Variants in RPRD1A observed in about 807,000 individuals in gnomAD.
The protein encoded by RPRD1A is regulation of nuclear pre-mRNA domain-containing protein 1A.
In RPRD1A, 9 loss-of-function variants were observed where a neutral mutation model predicts 37.8. The ratio of observed to expected loss-of-function variants is 0.24; its 90% CI spans 0.14 to 0.42. RPRD1A has a LOEUF of 0.42. RPRD1A is among the 10% of genes least tolerant of loss of function. The pLI, the probability that RPRD1A is intolerant of heterozygous loss-of-function variation, is 1.00. For missense variants in RPRD1A, 255 were observed against 371.0 expected, an observed-to-expected ratio of 0.69 and a Z score of 2.57; for synonymous variants, 138 against 139.7, an observed-to-expected ratio of 0.99 and a Z score of 0.08.
chr18:36,026,190 A>G (rs930924993), intron 6 of RPRD1A: 4 of 152,538 alleles, frequency 2.6e-5, no homozygotes, highest in African/African-American at 9.6e-5. Flanking sequence ...AAGGGATTCA[A>G]ATTAGAAATT....
chr18:36,065,016 C>T (rs141245021), intron 1 of RPRD1A, among the ~76,000 whole-genome samples: 3 of 151,808 alleles, frequency 2.0e-5, no homozygotes, highest in African/African-American at 4.8e-5. Flanking sequence ...CTGAAGCCAG[C>T]GAGACCACAA....
chr18:36,011,499 C>T (rs906821974), intron 6 of RPRD1A, among the ~76,000 whole-genome samples: 4 of 151,694 alleles, frequency 2.6e-5, no homozygotes, highest in South Asian at 2.1e-4. Flanking sequence ...AGAAACAAAG[C>T]CAACAGAGCC....
At chr18:36,065,921 T>C (rs1197686345) in intron 1 of RPRD1A, among the ~76,000 whole-genome samples, 3 of 152,138 alleles carry the variant, frequency 2.0e-5, no homozygotes, top group African/African-American at 7.2e-5. Flanking sequence ...AGAGTCTGGG[T>C]ATCAACCCTA....
intron 1 of RPRD1A, among the ~76,000 whole-genome samples, chr18:36,059,829 G>A (rs768410324): frequency 2.6e-5 from 4 of 152,230 alleles, no homozygotes; most frequent in South Asian, 2.1e-4. Flanking sequence ...AAATGATCAC[G>A]GAAATAAATA....
intron 6 of RPRD1A, among the ~76,000 whole-genome samples, chr18:36,015,323 C>A (rs1910475944): frequency 6.6e-6 from 1 of 151,904 alleles, no homozygotes; most frequent in Non-Finnish European, 1.5e-5. Context: ...AGTGATTCTC[C>A]TGCCTCAGCC....
intron 1 of RPRD1A, among the ~76,000 whole-genome samples, chr18:36,062,342 A>AC (rs1227086296): frequency 2.0e-5 from 3 of 151,014 alleles, no homozygotes; most frequent in Non-Finnish European, 3.0e-5. Flanking sequence ...AAAAAAAAAA[A>AC]AAAAAACATG....
rs753807694 is a variant in RPRD1A at position 35,993,205 on chromosome 18, G to A, written c.885C>T (p.Val295=). The A allele has an allele frequency of 1.9e-6, 3 of 1,614,176 alleles. No homozygotes were observed. In the East Asian group the frequency reaches 6.7e-5, roughly 36 times the overall value. The stretch of plus-strand genomic sequence containing the variant: ...AGGGCAGGTGCATGTGGCTGCCAGT[G>A]ACATTGGGCAATCGAGATAAGTCTG... ...SLPDLSRLPN[V]TGSHMHLPFA... The change falls in exon 7 of 7, where the codon GTC becomes GTT. Residue 295 remains valine (V), a synonymous_variant. Coordinates refer to ENST00000399022, the MANE Select transcript of RPRD1A (RefSeq NM_018170.5).
intron 6 of RPRD1A, among the ~76,000 whole-genome samples, chr18:36,003,550 C>T (rs1006888942): frequency 1.3e-5 from 2 of 152,156 alleles, no homozygotes; most frequent in South Asian, 2.1e-4. Context: ...GTATATTACT[C>T]GACAGAAAAT....
intron 1 of RPRD1A, among the ~76,000 whole-genome samples, chr18:36,054,497 A>T (rs1913625524): frequency 6.6e-6 from 1 of 152,280 alleles, no homozygotes; most frequent in Non-Finnish European, 1.5e-5. Flanking sequence ...TCTCAAAATA[A>T]GTAAGTAAGT....
intron 6 of RPRD1A, among the ~76,000 whole-genome samples, chr18:36,022,080 G>A (rs533382510): frequency 6.6e-6 from 1 of 152,308 alleles, no homozygotes; most frequent in South Asian, 2.1e-4. Flanking sequence ...GGAAGTTTCA[G>A]TAGTCTGGAT....
chr18:36,043,605 G>C (rs1022935145), intron 1 of RPRD1A, among the ~76,000 whole-genome samples: 4 of 152,030 alleles, frequency 2.6e-5, no homozygotes, highest in Non-Finnish European at 2.9e-5. Context: ...CTGTCAACTG[G>C]AACAGTTATG....
chr18:36,023,929 A>G (rs1255089034), intron 6 of RPRD1A, among the ~76,000 whole-genome samples: 4 of 152,242 alleles, frequency 2.6e-5, no homozygotes, highest in Admixed American at 6.5e-5. Context: ...AGTTGTAAAC[A>G]TAACTTTTGT....
At chr18:36,050,215 T>C (rs1198229385) in intron 1 of RPRD1A, among the ~76,000 whole-genome samples, 1 of 151,754 alleles carries the variant, frequency 6.6e-6, no homozygotes, top group African/African-American at 2.4e-5. Flanking sequence ...AGAAAAAAGG[T>C]TGAAATTGTA....
intron 6 of RPRD1A, among the ~76,000 whole-genome samples, chr18:36,012,205 T>C (rs62101393): frequency 0.27 from 41,624 of 152,134 alleles, 6,153 homozygotes; most frequent in African/African-American, 0.4. Flanking sequence ...TATTGCCTAG[T>C]GTAGCCATCC....
At chr18:36,055,856 A>G (rs962398578) in intron 1 of RPRD1A, among the ~76,000 whole-genome samples, 3 of 152,186 alleles carry the variant, frequency 2.0e-5, no homozygotes, top group Admixed American at 6.5e-5. Context: ...TGGACAGATC[A>G]ATGCAACAGA....
At chr18:36,047,708 T>C (rs1913058017) in intron 1 of RPRD1A, among the ~76,000 whole-genome samples, 1 of 152,282 alleles carries the variant, frequency 6.6e-6, no homozygotes, top group East Asian at 1.9e-4. Flanking sequence ...TCTAGGCATA[T>C]AAATTTGACA....
At chr18:36,067,117 C>CTCCTCCAAGCT (rs1356024682) in intron 1 of RPRD1A, 137 bp downstream of exon 1, 1 of 818,838 alleles carries the variant, frequency 1.2e-6, no homozygotes, top group African/African-American at 1.7e-5. Context: ...GTGCACGCAG[C>CTCCTCCAAGCT]TCCTCCAAGC....
intron 6 of RPRD1A, chr18:36,025,109 C>T (rs1409623819): frequency 6.6e-6 from 1 of 152,360 alleles, no homozygotes; most frequent in Non-Finnish European, 1.5e-5. Flanking sequence ...TTAGCATTTG[C>T]TTTAATCTTA....
intron 6 of RPRD1A, among the ~76,000 whole-genome samples, chr18:36,023,670 A>C (rs1911158625): frequency 6.6e-6 from 1 of 152,210 alleles, no homozygotes; most frequent in Non-Finnish European, 1.5e-5. Flanking sequence ...AAACTTTATC[A>C]CTGTGTTAAT....
Sources: gnomAD v4.1 joint callset for allele counts (sites outside exome capture counted in the v4.1 genomes callset) on GRCh38, gnomAD v4.1.1 for gene constraint, MANE v1.5 for transcripts, NCBI Gene and HGNC (gene_info 2026-07-23, HGNC 2026-07-21) for gene names.